SULF1: variants seen among roughly 807,000 people sequenced by gnomAD.
SULF1 encodes the protein sulfatase 1.
Under a neutral mutation model 110.5 loss-of-function variants are expected in SULF1, and 46 were observed. That is an observed-to-expected ratio of 0.42 (90% CI 0.33 to 0.53). The LOEUF is 0.53. Ranked by LOEUF, SULF1 falls within the 20% of genes least tolerant of loss-of-function variation. The pLI, the probability that SULF1 is intolerant of heterozygous loss-of-function variation, is 0.12. For missense variants in SULF1, 941 were observed against 1,094.2 expected, an observed-to-expected ratio of 0.86 and a Z score of 1.98; for synonymous variants, 371 against 387.1, an observed-to-expected ratio of 0.96 and a Z score of 0.49.
intron 22 of SULF1, among the ~76,000 whole-genome samples, chr8:69,646,291 A>G (rs2130711749): frequency 6.6e-6 from 1 of 152,234 alleles, no homozygotes; most frequent in African/African-American, 2.4e-5. Flanking sequence ...TGGCTCCATC[A>G]CTTCCCAATT....
intron 3 of SULF1, among the ~76,000 whole-genome samples, chr8:69,546,139 G>C (rs905105070): frequency 4.6e-5 from 7 of 152,158 alleles, no homozygotes; most frequent in African/African-American, 1.7e-4. Flanking sequence ...TTGGGATCTT[G>C]TTCTAAATAA....
At chr8:69,526,381 T>A (rs1017862199) in intron 3 of SULF1, among the ~76,000 whole-genome samples, 1 of 152,138 alleles carries the variant, frequency 6.6e-6, no homozygotes, top group Non-Finnish European at 1.5e-5. Context: ...CTTTTATTAG[T>A]CAATCTGTTC....
At chr8:69,619,375 T>C (rs1049204407) in intron 13 of SULF1, among the ~76,000 whole-genome samples, 7 of 152,230 alleles carry the variant, frequency 4.6e-5, no homozygotes, top group Non-Finnish European at 8.8e-5. Flanking sequence ...CAATTAATTT[T>C]GTAGGGAGAA....
At chr8:69,546,634 C>T (rs537516946) in intron 3 of SULF1, among the ~76,000 whole-genome samples, 10 of 152,316 alleles carry the variant, frequency 6.6e-5, no homozygotes, top group African/African-American at 2.2e-4. Context: ...TTAAAATCAA[C>T]GTATCTTCAA....
Position 69,659,238 on chromosome 8 carries a change from G to A in SULF1, c.*703G>A, listed in dbSNP as rs1347924341. On this transcript the variant is annotated 3_prime_UTR_variant, in exon 23 of 23. Coordinates refer to ENST00000402687, the MANE Select transcript of SULF1 (RefSeq NM_001128205.2). ...GTAATTCCAGCATAGCGGGGAAGAT[G>A]TTGACCAAGGTGGAGAAGAATCACG... 1 of 455,508 alleles carries A rather than the reference G, an allele frequency of 2.2e-6. No individual in the cohort carries two copies. Among genetic ancestry groups the A allele is most frequent in the Non-Finnish European group, 4.4e-6 (1 of 226,544 alleles). 28.2% of individuals were successfully genotyped at this position (455,508 alleles called of 1,614,324 possible).
chr8:69,503,699 G>GC (rs1810969220), intron 3 of SULF1, among the ~76,000 whole-genome samples: 1 of 152,098 alleles, frequency 6.6e-6, no homozygotes, highest in African/African-American at 2.4e-5. Context: ...TACTACAAGA[G>GC]CACCCTTCAT....
At chr8:69,529,648 C>T (rs1812948525) in intron 3 of SULF1, among the ~76,000 whole-genome samples, 1 of 152,070 alleles carries the variant, frequency 6.6e-6, no homozygotes, top group African/African-American at 2.4e-5. Context: ...AAGGGACTTA[C>T]TAGAGTAGGA....
At chr8:69,578,986 A>ACC in intron 6 of SULF1, among the ~76,000 whole-genome samples, 1 of 151,682 alleles carries the variant, frequency 6.6e-6, no homozygotes, top group African/African-American at 2.4e-5. Flanking sequence ...TCACGGTGAA[A>ACC]CTGTCTCTAC....
intron 5 of SULF1, among the ~76,000 whole-genome samples, chr8:69,573,969 T>C (rs1201955092): frequency 2.0e-5 from 3 of 152,182 alleles, no homozygotes; most frequent in Non-Finnish European, 2.9e-5. Context: ...TCGCTCTGTG[T>C]CAGAGGCATA....
At chr8:69,625,788 C>A (rs1267418890) in intron 15 of SULF1, among the ~76,000 whole-genome samples, 1 of 152,136 alleles carries the variant, frequency 6.6e-6, no homozygotes, top group African/African-American at 2.4e-5. Flanking sequence ...TGGAAGGGGA[C>A]CCAGGCAGAT....
intron 3 of SULF1, among the ~76,000 whole-genome samples, chr8:69,550,861 C>T (rs1359203752): frequency 6.6e-6 from 1 of 152,198 alleles, no homozygotes; most frequent in Non-Finnish European, 1.5e-5. Flanking sequence ...CCCCATGATT[C>T]ATGCCCCACT....
chr8:69,536,663 G>A (rs887236770), intron 3 of SULF1, among the ~76,000 whole-genome samples: 6 of 152,146 alleles, frequency 3.9e-5, no homozygotes, highest in Admixed American at 6.6e-5. Flanking sequence ...ATGGAGCCCC[G>A]AAGCACAGAC....
At chr8:69,467,132 C>G (rs574818924) in intron 1 of SULF1, 10 of 152,308 alleles carry the variant, frequency 6.6e-5, no homozygotes, top group South Asian at 4.1e-4. Flanking sequence ...AGAACTAACA[C>G]TCCTCATGCC....
intron 3 of SULF1, among the ~76,000 whole-genome samples, chr8:69,548,750 C>T (rs900979075): frequency 2.6e-5 from 4 of 151,902 alleles, no homozygotes; most frequent in South Asian, 4.2e-4. Context: ...CATGAGCCAC[C>T]GTGCCCAGAC....
chr8:69,499,657 C>T (rs912441603), intron 2 of SULF1, among the ~76,000 whole-genome samples: 11 of 152,178 alleles, frequency 7.2e-5, no homozygotes, highest in Non-Finnish European at 1.0e-4. Context: ...TTGACTCTCA[C>T]GTGCATACAC....
intron 3 of SULF1, among the ~76,000 whole-genome samples, chr8:69,523,367 G>A (rs1812446766): frequency 6.6e-6 from 1 of 152,154 alleles, no homozygotes; most frequent in African/African-American, 2.4e-5. Context: ...AGTATGAGGA[G>A]GGATGAGGTG....
intron 6 of SULF1, among the ~76,000 whole-genome samples, chr8:69,580,236 A>G (rs925913149): frequency 2.6e-5 from 4 of 152,200 alleles, no homozygotes; most frequent in Non-Finnish European, 4.4e-5. Flanking sequence ...ACTGCACTTC[A>G]TATTCTGACA....
chr8:69,649,961 C>T (rs1812200686), intron 22 of SULF1, among the ~76,000 whole-genome samples: 1 of 123,884 alleles, frequency 8.1e-6, no homozygotes, highest in African/African-American at 3.2e-5. Flanking sequence ...CTCTGTAATT[C>T]CTCCTGCTTG....
chr8:69,545,568 G>T (rs4737992), intron 3 of SULF1, among the ~76,000 whole-genome samples: 1 of 151,952 alleles, frequency 6.6e-6, no homozygotes, highest in South Asian at 2.1e-4. Context: ...AGAACTTCTC[G>T]TGGTCCAAGA....
Sources: allele counts gnomAD v4.1 joint callset (sites outside exome capture counted in the v4.1 genomes callset), GRCh38; gene constraint gnomAD v4.1.1; transcripts MANE v1.5; gene names NCBI Gene and HGNC (gene_info 2026-07-23, HGNC 2026-07-21).